Variants in HS3ST4 observed in about 807,000 individuals in gnomAD.
HS3ST4 encodes heparan sulfate-glucosamine 3-sulfotransferase 4.
Under a neutral mutation model 29.2 loss-of-function variants are expected in HS3ST4, and 17 were observed. The observed-to-expected ratio is 0.58, with a 90% CI of 0.40 to 0.87. The LOEUF is 0.87. HS3ST4 is among the 40% of genes least tolerant of loss of function. HS3ST4 has a pLI of 0.00. For missense variants in HS3ST4, 627 were observed against 634.5 expected, an observed-to-expected ratio of 0.99 and a Z score of 0.13; for synonymous variants, 314 against 285.7, an observed-to-expected ratio of 1.10 and a Z score of -1.00.
At position 25,933,838 on chromosome 16, in the gene HS3ST4, G is replaced by C. The variant is rs539093202; in HGVS notation, c.735-201774G>C. ...TCTTTTAAACAACCAGATCTCCTGG[G>C]AACTCATAGAGCGAGAACCCACTCA... is the stretch of plus-strand genomic sequence containing the variant. On this transcript the variant is annotated intron_variant, in intron 1 of 1. Transcript: ENST00000331351. Among the ~76,000 whole-genome samples, 7 of 152,110 alleles carry C rather than the reference G, an allele frequency of 4.6e-5. No homozygotes were observed. The South Asian group carries it at 1.5e-3, about 32-fold the overall frequency.
chr16:25,875,102 GCT>G (rs565551391), intron 1 of HS3ST4, among the ~76,000 whole-genome samples: 38 of 152,262 alleles, frequency 2.5e-4, no homozygotes, highest in African/African-American at 9.1e-4. Flanking sequence ...CAAGGTCACT[GCT>G]CTCACAGAGG....
intron 1 of HS3ST4, among the ~76,000 whole-genome samples, chr16:25,755,361 C>T (rs768179303): frequency 7.9e-5 from 12 of 152,166 alleles, no homozygotes; most frequent in Non-Finnish European, 1.6e-4. Flanking sequence ...GTGGAGGTGA[C>T]ATTCCGGGCA....
intron 1 of HS3ST4, among the ~76,000 whole-genome samples, chr16:25,994,376 T>C (rs905530055): frequency 2.0e-5 from 3 of 152,164 alleles, no homozygotes; most frequent in Admixed American, 6.5e-5. Flanking sequence ...TAATAACTTA[T>C]TTATTCTCTT....
intron 1 of HS3ST4, among the ~76,000 whole-genome samples, chr16:25,699,149 T>C (rs1200052904): frequency 1.3e-5 from 2 of 152,252 alleles, no homozygotes; most frequent in African/African-American, 4.8e-5. Flanking sequence ...GCTACCAGTT[T>C]GTGACCTCTG....
Position 25,912,443 on chromosome 16 carries a change from G to A in HS3ST4, c.734+219292G>A, listed in dbSNP as rs577409596. ...TCACTCTTCACTCCCAAGCTAAAAT[G>A]TCACTCCTTCGAGGAGGAAGGCTGA... is the stretch of plus-strand genomic sequence containing the variant. On this transcript the variant is annotated intron_variant, in intron 1 of 1. Transcript: ENST00000331351. Among the ~76,000 whole-genome samples, 203 of 152,230 alleles carry A rather than the reference G, an allele frequency of 1.3e-3. 3 individuals carry two copies. The highest frequency in any genetic ancestry group is 4.6e-3 in the African/African-American group (190 of 41,544).
intron 1 of HS3ST4, among the ~76,000 whole-genome samples, chr16:26,094,871 T>C (rs1223451535): frequency 6.6e-6 from 1 of 151,968 alleles, no homozygotes; most frequent in Non-Finnish European, 1.5e-5. Context: ...AGGAGACACA[T>C]CTCATGTGCA....
At chr16:26,125,471 A>T (rs938199194) in intron 1 of HS3ST4, among the ~76,000 whole-genome samples, 6 of 152,250 alleles carry the variant, frequency 3.9e-5, no homozygotes, top group Non-Finnish European at 8.8e-5. Flanking sequence ...AGTAATGCCC[A>T]CTGGGCCACC....
chr16:26,017,186 T>C (rs1567294499), intron 1 of HS3ST4, among the ~76,000 whole-genome samples: 1 of 152,166 alleles, frequency 6.6e-6, no homozygotes, highest in Non-Finnish European at 1.5e-5. Flanking sequence ...GTACCATGAG[T>C]GGGGTGATTT....
chr16:26,040,232 T>C (rs2141758164), intron 1 of HS3ST4, among the ~76,000 whole-genome samples: 1 of 152,316 alleles, frequency 6.6e-6, no homozygotes, highest in African/African-American at 2.4e-5. Flanking sequence ...CTCTCCCCCT[T>C]TGACTTGTCT....
chr16:25,697,740 A>C (rs1314951781), intron 1 of HS3ST4, among the ~76,000 whole-genome samples: 1 of 151,952 alleles, frequency 6.6e-6, no homozygotes, highest in African/African-American at 2.4e-5. Context: ...CTCTGTTGCC[A>C]GGCTGGAGTG....
chr16:25,933,718 G>A (rs528140656), intron 1 of HS3ST4, among the ~76,000 whole-genome samples: 4 of 152,256 alleles, frequency 2.6e-5, no homozygotes, highest in Middle Eastern at 3.4e-3. Context: ...ATATGTGTCC[G>A]GTGAGGCTTC....
At chr16:25,914,038 ATG>A (rs1191181973) in intron 1 of HS3ST4, among the ~76,000 whole-genome samples, 2 of 121,952 alleles carry the variant, frequency 1.6e-5, no homozygotes, top group East Asian at 2.7e-4. Context: ...GAGCATGTGT[ATG>A]TGTGTGTGGG....
intron 1 of HS3ST4, among the ~76,000 whole-genome samples, chr16:25,959,949 A>G (rs1330450292): frequency 6.6e-6 from 1 of 152,176 alleles, no homozygotes; most frequent in Non-Finnish European, 1.5e-5. Context: ...AGCCTGGCCA[A>G]CATGGTGAAA....
intron 1 of HS3ST4, among the ~76,000 whole-genome samples, chr16:25,696,155 C>T (rs911318311): frequency 2.6e-5 from 4 of 152,258 alleles, no homozygotes; most frequent in East Asian, 3.9e-4. Flanking sequence ...TACAGAGAAG[C>T]GAGCCTCACT....
intron 1 of HS3ST4, among the ~76,000 whole-genome samples, chr16:25,961,132 A>G (rs569470319): frequency 4.6e-5 from 7 of 152,222 alleles, no homozygotes; most frequent in Non-Finnish European, 1.0e-4. Context: ...TTTGGAAGAA[A>G]GGAGAGAGCA....
chr16:25,822,424 TG>T (rs1967168581), intron 1 of HS3ST4, among the ~76,000 whole-genome samples: 1 of 152,122 alleles, frequency 6.6e-6, no homozygotes, highest in African/African-American at 2.4e-5. Context: ...ATATGAATTT[TG>T]GGGGGACACA....
At chr16:26,074,410 G>A (rs1423957256) in intron 1 of HS3ST4, among the ~76,000 whole-genome samples, 1 of 152,112 alleles carries the variant, frequency 6.6e-6, no homozygotes, top group African/African-American at 2.4e-5. Flanking sequence ...TACATTTATT[G>A]GGGGCTGGGA....
intron 1 of HS3ST4, among the ~76,000 whole-genome samples, chr16:25,745,782 A>G (rs1446619337): frequency 6.6e-6 from 1 of 152,206 alleles, no homozygotes; most frequent in African/African-American, 2.4e-5. Flanking sequence ...TCTTTTGCAT[A>G]TCATTAAAAT....
intron 1 of HS3ST4, among the ~76,000 whole-genome samples, chr16:25,749,474 A>G (rs987145793): frequency 2.0e-5 from 3 of 152,110 alleles, no homozygotes; most frequent in African/African-American, 4.8e-5. Context: ...CAGCCTGGGC[A>G]ATGGGAGTGA....
Sources: gnomAD v4.1 joint callset for allele counts (sites outside exome capture counted in the v4.1 genomes callset) on GRCh38, gnomAD v4.1.1 for gene constraint, MANE v1.5 for transcripts, NCBI Gene and HGNC (gene_info 2026-07-23, HGNC 2026-07-21) for gene names.